Variants in AKAP11 observed in about 807,000 individuals in gnomAD.
AKAP11 encodes A-kinase anchoring protein 11, also known as A-kinase anchor protein 11.
In AKAP11, 36 loss-of-function variants were observed where a neutral mutation model predicts 146.1. That is an observed-to-expected ratio of 0.25 (90% confidence interval 0.19 to 0.33). The LOEUF is 0.33. AKAP11 is among the 10% of genes least tolerant of loss of function. The pLI is 1.00. For missense variants in AKAP11, 2,201 were observed against 2,197.0 expected, an observed-to-expected ratio of 1.00 and a Z score of -0.04; for synonymous variants, 780 against 786.5, an observed-to-expected ratio of 0.99 and a Z score of 0.14.
chr13:42,301,374 T>G lies in AKAP11; in HGVS notation c.2628T>G (p.Ser876=), dbSNP rs1220737163. The change falls in exon 8 of 13, where the codon TCT becomes TCG. Residue 876 remains serine (S), a synonymous_variant. Transcript: ENST00000025301. ...ATCCTGCAATTATTAGCAACTTTTC[T>G]GCAGCAGTGGTGCATACGATAGTAA... The part of the protein sequence containing the change: ...PNDPAIISNF[S]AAVVHTIVNE... The G allele has an allele frequency of 1.2e-6, 2 of 1,613,276 alleles. No individual in the cohort carries two copies. The highest frequency in any genetic ancestry group is 1.7e-6 in the Non-Finnish European group (2 of 1,179,704).
Position 42,280,426 on chromosome 13 carries a change from A to G in AKAP11, c.-99-5560A>G, listed in dbSNP as rs950633927. Among the ~76,000 whole-genome samples, 5 of 152,316 alleles carry G rather than the reference A, an allele frequency of 3.3e-5. No homozygotes were observed. The South Asian group carries it at 6.2e-4, about 19-fold the overall frequency. On this transcript the variant is annotated intron_variant, in intron 1 of 12. Coordinates refer to ENST00000025301, the MANE Select transcript of AKAP11 (RefSeq NM_016248.4). Reference sequence around the variant, plus strand: ...TAGAAATTATTGGAAACACAAATGTATTTTCACAAACTCATTAAATGTAGA... The same window carrying G: ...TAGAAATTATTGGAAACACAAATGTGTTTTCACAAACTCATTAAATGTAGA...
In AKAP11 at chr13:42,319,327, G is replaced by GT. The variant is rs1232398176; in HGVS notation, c.*100dup. The GT allele has an allele frequency of 4.4e-5, 64 of 1,453,756 alleles. No individual in the cohort carries two copies. In the African/African-American group the frequency reaches 8.3e-4, roughly 19 times the overall value. 90.1% of individuals were successfully genotyped at this position (1,453,756 alleles called of 1,614,324 possible). The stretch of plus-strand genomic sequence containing the variant: ...AATTTGAATAGTGAATATTAACATC[G>GT]TAAGTCAGTTGGGAGGCAAGTAAAT... On this transcript the variant is annotated 3_prime_UTR_variant, in exon 13 of 13. Coordinates refer to ENST00000025301, the MANE Select transcript of AKAP11 (RefSeq NM_016248.4).
rs560130484 is a variant in AKAP11, at chr13:42,313,954, T to G, written c.5404+14T>G. On this transcript the variant is annotated intron_variant, in intron 11 of 12. Coordinates refer to ENST00000025301, the MANE Select transcript of AKAP11 (RefSeq NM_016248.4). ...ACGAAGTAGAAGGTAATTTGATTTG[T>G]TTTTCAAAGTGTTGGCATGTGTTTT... The G allele has an allele frequency of 1.2e-5, 19 of 1,613,158 alleles. No individual in the cohort carries two copies. In the South Asian group the frequency reaches 1.9e-4, roughly 16 times the overall value.
Position 42,302,545 on chromosome 13 carries a change from G to T in AKAP11, c.3799G>T (p.Val1267Phe). The change falls in exon 8 of 13, where the codon GTC (valine) becomes TTC (phenylalanine). Residue 1267 changes from valine to phenylalanine, a missense_variant. By Grantham distance (50) the Val-to-Phe change is conservative. Transcript: ENST00000025301. ...TTTTGCGGGTGATCTGGCAGCAGAA[G>T]TCATTACAGAAGCTGAGAAAATAGC... ...CNFAGDLAAE[V>F]ITEAEKIAKV... The T allele has an allele frequency of 1.9e-6, 3 of 1,614,164 alleles. No individual in the cohort carries two copies. The highest frequency in any genetic ancestry group is 1.7e-6 in the Non-Finnish European group (2 of 1,180,022).
At chr13:42,281,083 G>A (rs138558099) in intron 1 of AKAP11, among the ~76,000 whole-genome samples, 1 of 152,296 alleles carries the variant, frequency 6.6e-6, no homozygotes. Context: ...TAGATATACA[G>A]AACTGAAGAA....
intron 1 of AKAP11, among the ~76,000 whole-genome samples, chr13:42,279,628 A>G (rs1338173461): frequency 1.3e-5 from 2 of 152,064 alleles, no homozygotes; most frequent in Non-Finnish European, 2.9e-5. Flanking sequence ...TTTGTACTAT[A>G]GTTTTACAAT....
At chr13:42,310,328 G>A (rs564367594) in intron 9 of AKAP11, among the ~76,000 whole-genome samples, 75 of 152,264 alleles carry the variant, frequency 4.9e-4, no homozygotes, top group Middle Eastern at 3.4e-3. Flanking sequence ...TGGTGTGCTC[G>A]TTGCATATAC....
At chr13:42,297,581 T>C (rs1959593222) in intron 6 of AKAP11, among the ~76,000 whole-genome samples, 1 of 151,990 alleles carries the variant, frequency 6.6e-6, no homozygotes, top group African/African-American at 2.4e-5. Flanking sequence ...GTTCATTTTC[T>C]GGTTTAAAAA....
rs2138578369 is a variant in AKAP11, at chr13:42,299,492, C to T, written c.746C>T (p.Ser249Leu). Residue 249 changes from serine (S) to leucine (L), a missense_variant, in exon 8 of 13, where the codon TCA (serine) becomes TTA (leucine). Physicochemically the swap from Ser to Leu is moderately radical, Grantham distance 145 (BLOSUM62 -2). Transcript: ENST00000025301. ...SGQQKSLAKP[S>L]TSSVNVLGHK... ...CAGCAGAAGTCATTGGCTAAACCCT[C>T]AACTTCCTCAGTGAATGTCCTGGGA... 1.9e-6 allele frequency: 3 copies of T among 1,613,966 alleles called. No homozygotes were observed. The highest frequency in any genetic ancestry group is 1.7e-6 in the Non-Finnish European group (2 of 1,179,888).
In AKAP11 at chr13:42,300,110, T is replaced by C. The variant is rs756555100; in HGVS notation, c.1364T>C (p.Phe455Ser). 4 of 1,613,834 alleles carry C rather than the reference T, an allele frequency of 2.5e-6. No homozygotes were observed. The Admixed American group carries it at 6.7e-5, about 27-fold the overall frequency. The change falls in exon 8 of 13, where the codon TTT becomes TCT. Residue 455 changes from phenylalanine (F) to serine (S), a missense_variant. This residue lies in a region of AKAP11 where 1,867 missense variants were observed against 1,833.5 expected (regional missense o/e 1.02). Coordinates refer to ENST00000025301, the MANE Select transcript of AKAP11 (RefSeq NM_016248.4). Reference sequence around the variant, plus strand: ...TTTAGTCCTATTCGATCCTCTGCTTTTAGTCCTCTTGGAGGCTGTACTCCA... The same window carrying C: ...TTTAGTCCTATTCGATCCTCTGCTTCTAGTCCTCTTGGAGGCTGTACTCCA... ...GLFSPIRSSAFSPLGGCTPAE... is the reference protein window; with the variant it reads ...GLFSPIRSSASSPLGGCTPAE...
In AKAP11 at chr13:42,300,483, T is replaced by C. The variant is rs1254946081; in HGVS notation, c.1737T>C (p.Ala579=). 1 of 1,613,992 alleles carries C rather than the reference T, an allele frequency of 6.2e-7. No homozygotes were observed. The highest frequency in any genetic ancestry group is 8.5e-7 in the Non-Finnish European group (1 of 1,179,980). The change falls in exon 8 of 13, where the codon GCT becomes GCC. Residue 579 remains alanine, a synonymous_variant. Transcript: ENST00000025301. ...LQKGVSSCTN[A]LYHLAIKLTS... is the part of the protein sequence containing the mutation. ...AAGGAGTCTCTTCATGTACCAATGC[T>C]TTGTACCACTTAGCCATCAAATTGA...
intron 11 of AKAP11, among the ~76,000 whole-genome samples, chr13:42,316,675 G>A (rs144924005): frequency 2.0e-5 from 3 of 152,132 alleles, no homozygotes; most frequent in African/African-American, 4.8e-5. Context: ...TCCTGGCTCA[G>A]CCACTTCCCC....
intron 9 of AKAP11, 54 bp from the exon 10 acceptor site, chr13:42,312,993 T>C: frequency 6.8e-7 from 1 of 1,460,330 alleles, no homozygotes; most frequent in Non-Finnish European, 9.5e-7. Context: ...GAAACAAAGG[T>C]CTTTTCTACT....
intron 1 of AKAP11, among the ~76,000 whole-genome samples, chr13:42,275,784 T>C (rs1240205605): frequency 6.6e-6 from 1 of 152,204 alleles, no homozygotes; most frequent in Admixed American, 6.5e-5. Context: ...AATTATGAAT[T>C]CATGTATGTA....
chr13:42,310,012 G>A (rs1375916256), intron 9 of AKAP11, among the ~76,000 whole-genome samples: 1 of 152,146 alleles, frequency 6.6e-6, no homozygotes. Context: ...TATTAATGAT[G>A]TGGAATACTC....
At chr13:42,292,679 A>G (rs2138524046) in intron 4 of AKAP11, among the ~76,000 whole-genome samples, 178 bp downstream of exon 4, 1 of 152,356 alleles carries the variant, frequency 6.6e-6, no homozygotes, top group Middle Eastern at 3.4e-3. Context: ...CCTGTTTTAA[A>G]TACTGGCTAA....
chr13:42,317,105 T>G (rs901110649), intron 11 of AKAP11, among the ~76,000 whole-genome samples: 4 of 152,182 alleles, frequency 2.6e-5, no homozygotes, highest in Non-Finnish European at 4.4e-5. Context: ...CTCGAACTCT[T>G]GGCCTCAAGC....
chr13:42,282,476 T>G (rs1959083246), intron 1 of AKAP11, among the ~76,000 whole-genome samples: 1 of 152,050 alleles, frequency 6.6e-6, no homozygotes, highest in African/African-American at 2.4e-5. Context: ...TCTTTGTGAA[T>G]TTTGTGCAAG....
At position 42,295,687 on chromosome 13, in the gene AKAP11, TTACTC is replaced by T. The variant is rs1415890057; in HGVS notation, c.169-7_169-3del. ...AAATTAATGGAGGTTTATTTGTTCT[TTACTC>T]AGGTCACATTTCTGGGTTTTAATGA... On this transcript the variant is annotated splice_polypyrimidine_tract_variant and splice_region_variant and intron_variant, in intron 4 of 12. Coordinates refer to ENST00000025301, the MANE Select transcript of AKAP11 (RefSeq NM_016248.4). 24 of 1,612,338 alleles carry T rather than the reference TTACTC, an allele frequency of 1.5e-5. No individual in the cohort carries two copies. The highest frequency in any genetic ancestry group is 2.0e-5 in the Non-Finnish European group (23 of 1,178,912).
Sources: gnomAD v4.1 joint callset for allele counts (sites outside exome capture counted in the v4.1 genomes callset) on GRCh38, gnomAD v4.1.1 for gene constraint, gnomAD v4.1.1 regional missense constraint, MANE v1.5 for transcripts, NCBI Gene and HGNC (gene_info 2026-07-23, HGNC 2026-07-21) for gene names.